Variants in SLC6A15 observed in about 807,000 individuals in gnomAD.
SLC6A15 encodes sodium-dependent neutral amino acid transporter B(0)AT2.
In SLC6A15, 33 loss-of-function variants were observed where a neutral mutation model predicts 68.5. The ratio of observed to expected loss-of-function variants is 0.48; its 90% CI spans 0.37 to 0.64. The LOEUF (loss-of-function observed/expected upper bound fraction) is 0.64. Among genes scored for constraint, SLC6A15 ranks in the 30% least tolerant of loss-of-function variants. The pLI is 0.00. For missense variants in SLC6A15, 747 were observed against 874.3 expected, an observed-to-expected ratio of 0.85 and a Z score of 1.84; for synonymous variants, 347 against 301.0, an observed-to-expected ratio of 1.15 and a Z score of -1.58.
In SLC6A15 at chr12:84,872,750, C is replaced by T. The variant is rs774626493; in HGVS notation, c.1154G>A (p.Ser385Asn). 2 of 1,605,072 alleles carry T rather than the reference C, an allele frequency of 1.2e-6. No individual in the cohort carries two copies. Among genetic ancestry groups the T allele is most frequent in the East Asian group, 2.2e-5 (1 of 44,778 alleles). ...GATATGATGGGGAATAATATCCTGA[C>T]TAATGTTCCCCATTTTCAAAAATTT... is the stretch of plus-strand genomic sequence containing the variant. ...IMKFLKMGNI[S>N]QDIIPHHINL... Residue 385 changes from serine to asparagine, a missense_variant, in exon 8 of 12, where the codon AGT becomes AAT. Transcript: ENST00000266682.
At position 84,866,971 on chromosome 12, in the gene SLC6A15, A is replaced by C. The variant is rs1871091615; in HGVS notation, c.1655+63T>G. ...ATTTCCTCTTCTAAATGAAATGAAC[A>C]TTGATAATTGATGTTTTCAAACTAG... On this transcript the variant is annotated intron_variant, in intron 10 of 11. Coordinates refer to ENST00000266682, the MANE Select transcript of SLC6A15 (RefSeq NM_182767.6). 3 of 1,309,652 alleles carry C rather than the reference A, an allele frequency of 2.3e-6. No individual in the cohort carries two copies. In the East Asian group the frequency reaches 7.7e-5, roughly 34 times the overall value. 81.1% of individuals were successfully genotyped at this position (1,309,652 alleles called of 1,614,324 possible). A position where few individuals can be genotyped will look rare whatever the true frequency, so the allele number is the denominator to read the frequency against.
intron 10 of SLC6A15, among the ~76,000 whole-genome samples, chr12:84,865,771 G>A (rs1871037944): frequency 6.6e-6 from 1 of 152,064 alleles, no homozygotes; most frequent in Non-Finnish European, 1.5e-5. Context: ...AATTTCCTCT[G>A]TGTCTTTTCA....
chr12:84,873,062 G>T, intron 7 of SLC6A15, 25 bp downstream of exon 7: 4 of 1,601,428 alleles, frequency 2.5e-6, no homozygotes, highest in Admixed American at 1.7e-5. Flanking sequence ...TAAGAAAAAA[G>T]GCAAATGGAA....
chr12:84,877,429 T>C (rs933542157), intron 5 of SLC6A15, among the ~76,000 whole-genome samples: 2 of 152,128 alleles, frequency 1.3e-5, no homozygotes, highest in Non-Finnish European at 2.9e-5. Context: ...ACTCCAGGAA[T>C]TTCTAATGTC....
rs1333802189 is a variant in SLC6A15, at chr12:84,884,969, ACAT to A, written c.574+463_574+465del. On this transcript the variant is annotated intron_variant, in intron 4 of 11. Transcript: ENST00000266682. ...GTGCATTACAATCTATGTTTACTAG[ACAT>A]CACTACTATAGGTGACTGCTCTTTA... 3.9e-5 allele frequency among the ~76,000 whole-genome samples: 6 copies of A among 152,036 alleles called. No homozygotes were observed. In the East Asian group the frequency reaches 1.2e-3, roughly 29 times the overall value.
At chr12:84,895,339 ATTTTTTTTTTT>A (rs67339994) in intron 1 of SLC6A15, among the ~76,000 whole-genome samples, 32 of 54,784 alleles carry the variant, frequency 5.8e-4, no homozygotes, top group South Asian at 8.4e-4. Context: ...TTTTGTTTGT[ATTTTTTTTTTT>A]TTTTTTTTTT....
intron 6 of SLC6A15, among the ~76,000 whole-genome samples, chr12:84,876,060 C>G (rs1871523047): frequency 6.6e-6 from 1 of 151,438 alleles, no homozygotes; most frequent in South Asian, 2.1e-4. Context: ...CAGTCAACTT[C>G]CAGATACACT....
At chr12:84,891,442 C>T (rs762951091) in intron 2 of SLC6A15, among the ~76,000 whole-genome samples, 1 of 152,052 alleles carries the variant, frequency 6.6e-6, no homozygotes, top group Non-Finnish European at 1.5e-5. Flanking sequence ...TAATAAATCA[C>T]GGAGAGAAAA....
At chr12:84,881,738 G>A (rs1451668652) in intron 5 of SLC6A15, 2 of 889,056 alleles carry the variant, frequency 2.2e-6, no homozygotes, top group African/African-American at 3.6e-5. Context: ...TTCTGTACTT[G>A]TGACACTGTT....
chr12:84,862,645 G>T (rs550465314), intron 11 of SLC6A15, among the ~76,000 whole-genome samples: 20 of 152,124 alleles, frequency 1.3e-4, no homozygotes, highest in Non-Finnish European at 2.4e-4. Flanking sequence ...TTCAGCTTGA[G>T]AATAGAAATT....
intron 2 of SLC6A15, 61 bp downstream of exon 2, chr12:84,891,771 C>T: frequency 6.9e-7 from 1 of 1,447,830 alleles, no homozygotes; most frequent in Non-Finnish European, 9.4e-7. Flanking sequence ...ATAATAGGAG[C>T]TATTTGAGAA....
At chr12:84,907,284 C>G (rs528464037) in intron 1 of SLC6A15, among the ~76,000 whole-genome samples, 1 of 151,848 alleles carries the variant, frequency 6.6e-6, no homozygotes, top group Admixed American at 6.6e-5. Context: ...GGAGGCAGAG[C>G]TTGCAGTGAG....
chr12:84,886,206 A>G (rs78064228), intron 2 of SLC6A15, 138 bp from the exon 3 acceptor site: 8,006 of 464,998 alleles, frequency 0.017, 489 homozygotes, highest in African/African-American at 0.14. Context: ...ACACAATTTC[A>G]TTACTTTGCA....
intron 1 of SLC6A15, among the ~76,000 whole-genome samples, chr12:84,902,701 T>G (rs948761592): frequency 6.6e-6 from 1 of 152,010 alleles, no homozygotes; most frequent in African/African-American, 2.4e-5. Flanking sequence ...AACTTGCATG[T>G]ACCTAAAGGA....
Position 84,861,352 on chromosome 12 carries a change from GA to G in SLC6A15, c.*279del. On this transcript the variant is annotated 3_prime_UTR_variant, in exon 12 of 12. Transcript: ENST00000266682. ...GGTAATACCATTTTTTTAAGAGATA[GA>G]AATATTTGAAAATACACCAAAGGTA... 1 of 279,660 alleles carries G rather than the reference GA, an allele frequency of 3.6e-6. No individual in the cohort carries two copies. Among genetic ancestry groups the G allele is most frequent in the Non-Finnish European group, 6.7e-6 (1 of 150,010 alleles). 17.3% of individuals were successfully genotyped at this position (279,660 alleles called of 1,614,324 possible).
chr12:84,897,334 ATATCT>A (rs570125009), intron 1 of SLC6A15, among the ~76,000 whole-genome samples: 221 of 152,266 alleles, frequency 1.5e-3, no homozygotes, highest in African/African-American at 3.5e-3. Flanking sequence ...AAAGTTACAA[ATATCT>A]TAAAGTAATT....
intron 4 of SLC6A15, among the ~76,000 whole-genome samples, chr12:84,884,333 T>A (rs61929976): frequency 0.11 from 16,516 of 152,064 alleles, 1,048 homozygotes; most frequent in South Asian, 0.27. Flanking sequence ...TGAGACCGAG[T>A]TTTGCTCTGT....
At chr12:84,904,208 G>C (rs1419308958) in intron 1 of SLC6A15, among the ~76,000 whole-genome samples, 3 of 114,804 alleles carry the variant, frequency 2.6e-5, no homozygotes, top group Admixed American at 8.5e-5. Context: ...GAGAGAAAGG[G>C]GGGAGGGGCG....
intron 1 of SLC6A15, among the ~76,000 whole-genome samples, chr12:84,906,344 A>G (rs1333446110): frequency 6.6e-6 from 1 of 152,236 alleles, no homozygotes; most frequent in Non-Finnish European, 1.5e-5. Context: ...AAAACTCAAC[A>G]TAAGAAAGAT....
Sources: gnomAD v4.1 joint callset for allele counts (sites outside exome capture counted in the v4.1 genomes callset) on GRCh38, gnomAD v4.1.1 for gene constraint, MANE v1.5 for transcripts, NCBI Gene and HGNC (gene_info 2026-07-23, HGNC 2026-07-21) for gene names.